AHCYL2: variants seen among roughly 807,000 people sequenced by gnomAD.
AHCYL2 encodes the protein S-adenosylhomocysteine hydrolase-like protein 2.
AHCYL2 carries 28 observed loss-of-function variants against 81.4 expected under a neutral mutation model. That is an observed-to-expected ratio of 0.34 (90% confidence interval 0.25 to 0.47). The LOEUF (loss-of-function observed/expected upper bound fraction) is 0.47. AHCYL2 is among the 20% of genes least tolerant of loss of function. The pLI, the probability that AHCYL2 is intolerant of heterozygous loss-of-function variation, is 1.00. For synonymous variants in AHCYL2, 272 were observed against 290.2 expected, an observed-to-expected ratio of 0.94 and a Z score of 0.64; for missense variants, 551 against 785.1, an observed-to-expected ratio of 0.70 and a Z score of 3.56.
intron 1 of AHCYL2, among the ~76,000 whole-genome samples, chr7:129,255,171 G>A (rs1224574172): frequency 6.6e-6 from 1 of 152,050 alleles, no homozygotes; most frequent in Non-Finnish European, 1.5e-5. Context: ...TGAGGCAGGA[G>A]AATCGCTTGA....
chr7:129,295,967 GT>G (rs1645042734), intron 1 of AHCYL2, among the ~76,000 whole-genome samples: 1 of 152,158 alleles, frequency 6.6e-6, no homozygotes. Flanking sequence ...CGTTTATACT[GT>G]TACCTTTATT....
intron 1 of AHCYL2, among the ~76,000 whole-genome samples, chr7:129,248,718 G>A (rs1221066455): frequency 1.3e-5 from 2 of 150,474 alleles, no homozygotes; most frequent in African/African-American, 4.9e-5. Context: ...GAAAAAGCTT[G>A]CTAGGATTTT....
At chr7:129,321,002 T>C (rs1797994886) in intron 1 of AHCYL2, among the ~76,000 whole-genome samples, 2 of 152,240 alleles carry the variant, frequency 1.3e-5, no homozygotes, top group African/African-American at 2.4e-5. Flanking sequence ...TGATGCACAT[T>C]TGTAAAACAC....
intron 1 of AHCYL2, among the ~76,000 whole-genome samples, chr7:129,268,407 G>C (rs1245856895): frequency 6.6e-6 from 1 of 152,084 alleles, no homozygotes; most frequent in East Asian, 1.9e-4. Context: ...GAGTGCAGTG[G>C]CATGATCTCA....
rs948070195 is a variant in AHCYL2 at position 129,405,976 on chromosome 7, G to C, written c.1206+77G>C. ...TATTCTGGAATTTTTTATTTGTATG[G>C]ACATATGAGTACACCCTTTACCACT... On this transcript the variant is annotated intron_variant, in intron 9 of 16. Coordinates refer to ENST00000325006, the MANE Select transcript of AHCYL2 (RefSeq NM_015328.4). The C allele has an allele frequency of 1.2e-5, 16 of 1,373,666 alleles. No homozygotes were observed. In the Admixed American group the frequency reaches 2.4e-4, roughly 21 times the overall value. 85.1% of individuals were successfully genotyped at this position (1,373,666 alleles called of 1,614,324 possible).
chr7:129,353,812 T>C (rs1381921467), intron 1 of AHCYL2, among the ~76,000 whole-genome samples: 1 of 151,168 alleles, frequency 6.6e-6, no homozygotes, highest in Non-Finnish European at 1.5e-5. Flanking sequence ...GAGACTAGAA[T>C]AGAATCTTCA....
intron 1 of AHCYL2, among the ~76,000 whole-genome samples, chr7:129,298,520 A>G (rs968171804): frequency 2.0e-4 from 31 of 152,224 alleles, no homozygotes; most frequent in Admixed American, 1.6e-3. Flanking sequence ...CTTGAAACAT[A>G]TAACAGCTAT....
rs1796967662 is a variant in AHCYL2 at position 129,294,028 on chromosome 7, GTTTGTATTATTTCAC to G, written c.363+68597_363+68611del. ...ATGGAGAAAGATTATTTAGATTAAT[GTTTGTATTATTTCAC>G]TTTGTATCTAATCAGTTATTTTGTA... On this transcript the variant is annotated intron_variant, in intron 1 of 16. Coordinates refer to ENST00000325006, the MANE Select transcript of AHCYL2 (RefSeq NM_015328.4). 2.0e-5 allele frequency among the ~76,000 whole-genome samples: 3 copies of G among 152,060 alleles called. No homozygotes were observed. The South Asian group carries it at 6.2e-4, about 31-fold the overall frequency.
chr7:129,283,361 A>G (rs1796516124), intron 1 of AHCYL2: 1 of 455,852 alleles, frequency 2.2e-6, no homozygotes, highest in Admixed American at 2.4e-5. Flanking sequence ...CCTAATGTGC[A>G]GTGTCTTTGA....
chr7:129,314,629 A>T (rs565572759), intron 1 of AHCYL2, among the ~76,000 whole-genome samples: 52 of 152,296 alleles, frequency 3.4e-4, no homozygotes, highest in Non-Finnish European at 6.2e-4. Context: ...AAGGGCACTA[A>T]TCCCATTCAG....
chr7:129,255,706 G>A (rs1795394144), intron 1 of AHCYL2, among the ~76,000 whole-genome samples: 1 of 152,188 alleles, frequency 6.6e-6, no homozygotes, highest in Non-Finnish European at 1.5e-5. Flanking sequence ...ATGAGGGCTT[G>A]GCGCGGTGGT....
chr7:129,234,709 T>C (rs1456965081), intron 1 of AHCYL2, among the ~76,000 whole-genome samples: 1 of 152,132 alleles, frequency 6.6e-6, no homozygotes, highest in Non-Finnish European at 1.5e-5. Flanking sequence ...TTGCCCAGGC[T>C]GGCCTCGAAT....
At chr7:129,298,923 G>C (rs982455841) in intron 1 of AHCYL2, among the ~76,000 whole-genome samples, 2 of 152,120 alleles carry the variant, frequency 1.3e-5, no homozygotes, top group African/African-American at 4.8e-5. Context: ...TAAAGGCTCA[G>C]ATGGTAAGTG....
At chr7:129,313,312 G>T (rs1797724610) in intron 1 of AHCYL2, among the ~76,000 whole-genome samples, 1 of 152,180 alleles carries the variant, frequency 6.6e-6, no homozygotes, top group Admixed American at 6.5e-5. Context: ...GAGGTGATAG[G>T]ATTGGGGTTT....
At chr7:129,226,609 A>G (rs945746173) in intron 1 of AHCYL2, among the ~76,000 whole-genome samples, 2 of 152,204 alleles carry the variant, frequency 1.3e-5, no homozygotes, top group Non-Finnish European at 2.9e-5. Flanking sequence ...GATCCACCAT[A>G]ACTTTTTGTT....
At chr7:129,342,190 T>C (rs1408433524) in intron 1 of AHCYL2, among the ~76,000 whole-genome samples, 1 of 152,196 alleles carries the variant, frequency 6.6e-6, no homozygotes, top group Admixed American at 6.5e-5. Context: ...GAAGTATTCC[T>C]GTTACTTGTT....
chr7:129,255,420 G>A (rs896414959), intron 1 of AHCYL2, among the ~76,000 whole-genome samples: 6 of 152,160 alleles, frequency 3.9e-5, no homozygotes, highest in African/African-American at 1.4e-4. Flanking sequence ...TGTATATTGT[G>A]TGTTGACAGT....
chr7:129,302,655 A>G (rs1343615008), intron 1 of AHCYL2, among the ~76,000 whole-genome samples: 1 of 152,238 alleles, frequency 6.6e-6, no homozygotes, highest in African/African-American at 2.4e-5. Flanking sequence ...GATAGGCTGT[A>G]TCACATTGAT....
chr7:129,236,163 C>T (rs575158028), intron 1 of AHCYL2, among the ~76,000 whole-genome samples: 2 of 151,710 alleles, frequency 1.3e-5, no homozygotes, highest in African/African-American at 4.8e-5. Context: ...GCTGGGACTA[C>T]AGGTACACGC....
Sources: allele counts gnomAD v4.1 joint callset (sites outside exome capture counted in the v4.1 genomes callset), GRCh38; gene constraint gnomAD v4.1.1; transcripts MANE v1.5; gene names NCBI Gene and HGNC (gene_info 2026-07-23, HGNC 2026-07-21).